Variants in TENM2 observed in about 807,000 individuals in gnomAD.
The protein encoded by TENM2 is teneurin transmembrane protein 2, also known as teneurin-2.
TENM2 carries 52 observed loss-of-function variants against 245.2 expected under a neutral mutation model. The observed-to-expected ratio is 0.21, with a 90% CI of 0.17 to 0.27. The LOEUF (loss-of-function observed/expected upper bound fraction) is 0.27. Among genes scored for constraint, TENM2 ranks in the 10% least tolerant of loss-of-function variants. The pLI, the probability that TENM2 is intolerant of heterozygous loss-of-function variation, is 1.00. For missense variants in TENM2, 3,046 were observed against 3,666.8 expected (o/e 0.83, Z 4.37); for synonymous variants, 1,363 against 1,438.9 (o/e 0.95, Z 1.19).
chr5:168,026,214 T>A (rs987011958), intron 5 of TENM2, among the ~76,000 whole-genome samples: 10 of 152,218 alleles, frequency 6.6e-5, no homozygotes, highest in Non-Finnish European at 1.0e-4. Flanking sequence ...ACCATTCCTC[T>A]GAGAGTTGGG....
At chr5:167,606,590 G>T (rs545764400) in intron 2 of TENM2, among the ~76,000 whole-genome samples, 36 of 152,126 alleles carry the variant, frequency 2.4e-4, no homozygotes, top group Non-Finnish European at 5.0e-4. Flanking sequence ...GAAAGCACCA[G>T]CATTTAGTCC....
intron 12 of TENM2, among the ~76,000 whole-genome samples, chr5:168,144,714 T>C (rs1640038311): frequency 6.6e-6 from 1 of 152,040 alleles, no homozygotes; most frequent in South Asian, 2.1e-4. Context: ...GATGGCTGGG[T>C]CAAATGGTAT....
the TENM2 span, among the ~76,000 whole-genome samples, chr5:167,179,277 G>GA: frequency 2.0e-5 from 3 of 152,104 alleles, no homozygotes; most frequent in Non-Finnish European, 4.4e-5. Flanking sequence ...AATTAAGGGG[G>GA]AAAAAATTGG....
intron 2 of TENM2, among the ~76,000 whole-genome samples, chr5:167,645,069 G>T (rs1456094730): frequency 6.6e-6 from 1 of 152,110 alleles, no homozygotes; most frequent in Non-Finnish European, 1.5e-5. Flanking sequence ...ACACAGAAAA[G>T]GTACAGTAAA....
the TENM2 span, among the ~76,000 whole-genome samples, chr5:167,262,850 G>A: frequency 6.6e-6 from 1 of 152,014 alleles, no homozygotes; most frequent in African/African-American, 2.4e-5. Context: ...AGACTGGGTG[G>A]CCTATTAAAA....
chr5:168,072,404 CATG>C (rs1791091265), intron 7 of TENM2, among the ~76,000 whole-genome samples: 1 of 152,162 alleles, frequency 6.6e-6, no homozygotes, highest in Non-Finnish European at 1.5e-5. Context: ...CAAAAGGCAG[CATG>C]ATGAGGGCAT....
intron 7 of TENM2, among the ~76,000 whole-genome samples, chr5:168,064,864 A>AAAAG (rs991764464): frequency 6.6e-6 from 1 of 152,222 alleles, no homozygotes; most frequent in Non-Finnish European, 1.5e-5. Context: ...CTGTTTTCCA[A>AAAAG]AAAGAAAGAA....
intron 2 of TENM2, among the ~76,000 whole-genome samples, chr5:167,790,338 T>A (rs974870256): frequency 2.6e-5 from 4 of 151,960 alleles, no homozygotes; most frequent in African/African-American, 7.3e-5. Flanking sequence ...GACCAGAAAA[T>A]TTTTAAGCTA....
At chr5:168,047,366 C>T in intron 5 of TENM2, 61 bp from the exon 8 acceptor site, 8 of 1,546,692 alleles carry the variant, frequency 5.2e-6, no homozygotes, top group East Asian at 2.4e-5. Flanking sequence ...TGGCCCTCCC[C>T]CTTGACATTT....
At chr5:167,751,399 A>G (rs913935135) in intron 2 of TENM2, among the ~76,000 whole-genome samples, 2 of 152,238 alleles carry the variant, frequency 1.3e-5, no homozygotes, top group East Asian at 3.8e-4. Context: ...GCAAGATGGC[A>G]TGATGGCAGA....
intron 5 of TENM2, among the ~76,000 whole-genome samples, chr5:168,032,926 T>C (rs114381210): frequency 2.9e-3 from 436 of 152,322 alleles, no homozygotes; most frequent in African/African-American, 9.9e-3. Flanking sequence ...TGGCTATGTG[T>C]AGCATGTGGA....
At chr5:168,173,516 C>T (rs1759044840) in intron 13 of TENM2, among the ~76,000 whole-genome samples, 1 of 152,090 alleles carries the variant, frequency 6.6e-6, no homozygotes. Context: ...CCTCATTCAC[C>T]TCTTCCTAGT....
intron 2 of TENM2, among the ~76,000 whole-genome samples, chr5:167,511,421 AC>A (rs2127570093): frequency 6.6e-6 from 1 of 152,240 alleles, no homozygotes; most frequent in South Asian, 2.1e-4. Flanking sequence ...GACAGAGCCA[AC>A]CTCATTCTAA....
At chr5:167,190,704 A>T in the TENM2 span, among the ~76,000 whole-genome samples, 1 of 152,204 alleles carries the variant, frequency 6.6e-6, no homozygotes, top group East Asian at 1.9e-4. Context: ...TTGAAAGCTT[A>T]CTGGCTTTCT....
chr5:168,176,753 C>G (rs182990085), intron 13 of TENM2, among the ~76,000 whole-genome samples: 1 of 152,102 alleles, frequency 6.6e-6, no homozygotes, highest in Non-Finnish European at 1.5e-5. Flanking sequence ...AAAGCTTTCA[C>G]GAGAAGTGTT....
intron 13 of TENM2, among the ~76,000 whole-genome samples, chr5:168,166,850 G>C (rs1315534310): frequency 2.0e-5 from 3 of 152,158 alleles, no homozygotes; most frequent in Non-Finnish European, 4.4e-5. Context: ...GGAGAAGGCT[G>C]CCTTAGAATA....
chr5:167,378,889 C>A (rs1581887665), intron 2 of TENM2, among the ~76,000 whole-genome samples: 3 of 138,242 alleles, frequency 2.2e-5, no homozygotes, highest in African/African-American at 5.4e-5. Context: ...TTCCTTCCAG[C>A]AGAATTCTAG....
intron 21 of TENM2, among the ~76,000 whole-genome samples, chr5:168,215,829 G>C (rs6880386): frequency 0.11 from 16,354 of 152,264 alleles, 1,033 homozygotes; most frequent in East Asian, 0.27. Flanking sequence ...AGTGCCAGCT[G>C]TGTGGGCTGG....
chr5:167,282,390 G>A (rs771083219), upstream of TENM2, among the ~76,000 whole-genome samples: 3 of 151,994 alleles, frequency 2.0e-5, no homozygotes, highest in Admixed American at 6.6e-5. Context: ...GATTTATATC[G>A]TCATCTTCCT....
Sources: gnomAD v4.1 joint callset for allele counts (sites outside exome capture counted in the v4.1 genomes callset) on GRCh38, gnomAD v4.1.1 for gene constraint, MANE v1.5 for transcripts, NCBI Gene and HGNC (gene_info 2026-07-23, HGNC 2026-07-21) for gene names.